Variants in POLE observed in about 807,000 individuals in gnomAD.
The protein encoded by POLE is DNA polymerase epsilon, catalytic subunit.
A neutral mutation model predicts 279.2 loss-of-function variants in POLE; 188 were observed. That is an observed-to-expected ratio of 0.67 (90% confidence interval 0.60 to 0.76). The LOEUF (loss-of-function observed/expected upper bound fraction) is 0.76. Ranked by LOEUF, POLE falls within the 30% of genes least tolerant of loss-of-function variation. The pLI is 0.00. For synonymous variants in POLE, 1,214 were observed against 1,172.5 expected, an observed-to-expected ratio of 1.04 and a Z score of -0.72; for missense variants, 2,703 against 3,016.7, an observed-to-expected ratio of 0.90 and a Z score of 2.44.
chr12:132,687,255 T>C lies in POLE; in HGVS notation c.61A>G (p.Arg21Gly). 6.7e-7 allele frequency: 1 copy of C among 1,493,620 alleles called. No homozygotes were observed. Among genetic ancestry groups the C allele is most frequent in the African/African-American group, 1.4e-5 (1 of 69,262 alleles). The allele number at this position is 1,493,620 out of a possible 1,614,324, so 92.5% of individuals were successfully genotyped here. Reference protein sequence around the residue: ...ADPGADGEASRDDGATSSVSA... With the variant: ...ADPGADGEASGDDGATSSVSA... Reference sequence around the variant, plus strand: ...GAGCCTCAGGAGGGCGCCCCTCACCTGCTGGCCTCGCCATCCGCGCCTGGG... The same window carrying C: ...GAGCCTCAGGAGGGCGCCCCTCACCCGCTGGCCTCGCCATCCGCGCCTGGG... Residue 21 changes from arginine (R) to glycine (G), a missense_variant and splice_region_variant, in exon 1 of 49, where the codon AGG becomes GGG. Transcript: ENST00000320574.
chr12:132,667,386 A>C, intron 20 of POLE, 117 bp downstream of exon 20: 1 of 1,043,670 alleles, frequency 9.6e-7, no homozygotes, highest in Non-Finnish European at 1.4e-6. Flanking sequence ...GCACGTTACC[A>C]TCCGAGTGCA....
chr12:132,634,755 C>T lies in POLE; in HGVS notation c.5812-377G>A, dbSNP rs1364921728. Among the ~76,000 whole-genome samples the T allele has an allele frequency of 6.6e-6, 1 of 152,192 alleles. No homozygotes were observed. The highest frequency in any genetic ancestry group is 1.5e-5 in the Non-Finnish European group (1 of 68,026). On this transcript the variant is annotated intron_variant, in intron 42 of 48. Coordinates refer to ENST00000320574, the MANE Select transcript of POLE (RefSeq NM_006231.4). This position sits in a 1 kb window ranked among gnomAD's most constrained non-coding sequence, Gnocchi z 4.0. ...TGGGACGGCACGACCCCATCACAGACCCAGCCTCCCGCGCAGCCTGTGTTC... is the reference window on the plus strand; with the variant it reads ...TGGGACGGCACGACCCCATCACAGATCCAGCCTCCCGCGCAGCCTGTGTTC...
chr12:132,681,902 A>G (rs954999100), intron 1 of POLE, among the ~76,000 whole-genome samples: 2 of 152,334 alleles, frequency 1.3e-5, no homozygotes, highest in African/African-American at 4.8e-5. Flanking sequence ...ACGGATTGTC[A>G]GGCCAGGCAC....
intron 1 of POLE, among the ~76,000 whole-genome samples, chr12:132,686,204 A>G (rs1490983015): frequency 6.6e-6 from 1 of 151,876 alleles, no homozygotes; most frequent in Non-Finnish European, 1.5e-5. Context: ...ATGGCAGGCC[A>G]GTCCTCCGGT....
intron 20 of POLE, among the ~76,000 whole-genome samples, chr12:132,666,209 G>A (rs4883579): frequency 0.5 from 76,590 of 152,110 alleles, 19,925 homozygotes; most frequent in East Asian, 0.7. Context: ...TAGACAAAAT[G>A]TGACAAATCC....
intron 16 of POLE, among the ~76,000 whole-genome samples, chr12:132,670,181 G>A (rs1367823161): frequency 6.6e-6 from 1 of 151,658 alleles, no homozygotes; most frequent in African/African-American, 2.4e-5. Context: ...GACCAGCCTG[G>A]CCAACATGGA....
intron 29 of POLE, among the ~76,000 whole-genome samples, chr12:132,652,883 C>G (rs1310177901): frequency 6.6e-6 from 1 of 152,126 alleles, no homozygotes; most frequent in Admixed American, 6.6e-5. Flanking sequence ...TTTGGTTATT[C>G]TTATCCTTAC....
rs1201995760 is a variant in POLE at position 132,677,381 on chromosome 12, A to G, written c.783T>C (p.Asp261=). ...AACTTACAGGTCGTTCAACAAGGTCATCTCGGCGGGTGATTTCTACCGGAA... is the reference window on the plus strand; with the variant it reads ...AACTTACAGGTCGTTCAACAAGGTCGTCTCGGCGGGTGATTTCTACCGGAA... ...NAFPVEITRR[D]DLVERPDPVV... is the part of the protein sequence containing the mutation. The change falls in exon 8 of 49, where the codon GAT becomes GAC. Residue 261 remains aspartate, a synonymous_variant. Coordinates refer to ENST00000320574, the MANE Select transcript of POLE (RefSeq NM_006231.4). 2 of 1,613,990 alleles carry G rather than the reference A, an allele frequency of 1.2e-6. No homozygotes were observed. Among genetic ancestry groups the G allele is most frequent in the Admixed American group, 3.3e-5 (2 of 60,030 alleles).
rs2042104084 is a variant in POLE at position 132,639,752 on chromosome 12, G to A, written c.5379-454C>T. Among the ~76,000 whole-genome samples, 1 of 152,154 alleles carries A rather than the reference G, an allele frequency of 6.6e-6. No individual in the cohort carries two copies. Among genetic ancestry groups the A allele is most frequent in the Non-Finnish European group, 1.5e-5 (1 of 68,040 alleles). ...GGATCACCTGAGGTCAAGAGTTTGA[G>A]ACCAACCTGGCCAACATGGTGAAAC... On this transcript the variant is annotated intron_variant, in intron 39 of 48. Coordinates refer to ENST00000320574, the MANE Select transcript of POLE (RefSeq NM_006231.4). The surrounding 1 kb of genome is among the most constrained non-coding windows in gnomAD (Gnocchi z 4.7).
At position 132,624,826 on chromosome 12, in the gene POLE, G is replaced by A. The variant is rs2041796947; in HGVS notation, c.6748-16C>T. ...CCATGAAGACCTGCAGGAATAAACA[G>A]GCACAGTGAGACCCCAGTCCACTCA... On this transcript the variant is annotated splice_polypyrimidine_tract_variant and intron_variant, in intron 48 of 48. Transcript: ENST00000320574. 1.3e-6 allele frequency: 2 copies of A among 1,596,712 alleles called. No individual in the cohort carries two copies. Among genetic ancestry groups the A allele is most frequent in the African/African-American group, 1.3e-5 (1 of 74,562 alleles).
At chr12:132,630,089 C>T (rs1276767815) in intron 45 of POLE, among the ~76,000 whole-genome samples, 1 of 152,180 alleles carries the variant, frequency 6.6e-6, no homozygotes, top group Non-Finnish European at 1.5e-5. Context: ...CTTCTATGCG[C>T]ACGGTTCATG....
At chr12:132,655,270 T>C (rs993271180) in intron 29 of POLE, among the ~76,000 whole-genome samples, 24 of 152,254 alleles carry the variant, frequency 1.6e-4, no homozygotes, top group African/African-American at 9.6e-5. Flanking sequence ...GTTCCAAGTA[T>C]TGTCTAAGTT....
At chr12:132,646,403 ATGTAAATTACAGT>A (rs2042284916) in intron 32 of POLE, among the ~76,000 whole-genome samples, 1 of 152,058 alleles carries the variant, frequency 6.6e-6, no homozygotes, top group Non-Finnish European at 1.5e-5. Context: ...ACTTAACTAT[ATGTAAATTACAGT>A]AAGTCCTCAC....
chr12:132,628,644 T>TCAAAA (rs113536517), intron 45 of POLE, among the ~76,000 whole-genome samples: 1,636 of 150,874 alleles, frequency 0.011, 12 homozygotes, highest in Non-Finnish European at 0.014. Flanking sequence ...AGGCTCCATC[T>TCAAAA]CAAAACAAAA....
intron 41 of POLE, 117 bp from the exon 42 acceptor site, chr12:132,636,141 T>C: frequency 8.9e-7 from 1 of 1,122,172 alleles, no homozygotes; most frequent in South Asian, 1.7e-5. Flanking sequence ...AATTTGAAAG[T>C]TCATTCAGAC....
intron 6 of POLE, 98 bp from the exon 7 acceptor site, chr12:132,677,817 AAACCG>A: frequency 9.0e-7 from 1 of 1,109,024 alleles, no homozygotes; most frequent in Admixed American, 2.2e-5. Flanking sequence ...ACCAGAGTTC[AAACCG>A]AGGAAACACA....
chr12:132,672,811 C>G lies in POLE; in HGVS notation c.1502G>C (p.Cys501Ser). ...EVLRKGSGTL[C>S]EALLMVQAFH... ...GGCCTGCACCATCAGCAAGGCCTCA[C>G]ACAGAGTGCCAGAGCCCTTCCGCAG... The change falls in exon 15 of 49, where the codon TGT (cysteine) becomes TCT (serine). Residue 501 changes from cysteine (C) to serine (S), a missense_variant. Physicochemically the swap from Cys to Ser is moderately radical, Grantham distance 112. Transcript: ENST00000320574. 6.2e-7 allele frequency: 1 copy of G among 1,614,208 alleles called. No individual in the cohort carries two copies. The highest frequency in any genetic ancestry group is 1.3e-5 in the African/African-American group (1 of 75,080).
rs1267245312 is a variant in POLE, at chr12:132,639,694, G to A, written c.5379-396C>T. 6.6e-6 allele frequency among the ~76,000 whole-genome samples: 1 copy of A among 152,200 alleles called. No individual in the cohort carries two copies. The highest frequency in any genetic ancestry group is 2.1e-4 in the South Asian group (1 of 4,832). Reference sequence around the variant, plus strand: ...AGGCCGGATGCAGAGGCTCACGCCTGTAATCCCACCACTTTGGGAGGCCGA... The same window carrying A: ...AGGCCGGATGCAGAGGCTCACGCCTATAATCCCACCACTTTGGGAGGCCGA... On this transcript the variant is annotated intron_variant, in intron 39 of 48. Coordinates refer to ENST00000320574, the MANE Select transcript of POLE (RefSeq NM_006231.4). The surrounding 1 kb of genome is among the most constrained non-coding windows in gnomAD (Gnocchi z 4.7).
chr12:132,635,708 G>A (rs1228119629), intron 42 of POLE, among the ~76,000 whole-genome samples, 184 bp downstream of exon 42: 5 of 152,210 alleles, frequency 3.3e-5, no homozygotes, highest in African/African-American at 9.7e-5. Flanking sequence ...CAGGGCTGAC[G>A]CCACACTCCA....
Sources: gnomAD v4.1 joint callset for allele counts (sites outside exome capture counted in the v4.1 genomes callset) on GRCh38, gnomAD v4.1.1 for gene constraint, Gnocchi (gnomAD v3.1) non-coding constraint, MANE v1.5 for transcripts, NCBI Gene and HGNC (gene_info 2026-07-23, HGNC 2026-07-21) for gene names.